Variants in SEMA6D observed in about 807,000 individuals in gnomAD.
The protein encoded by SEMA6D is semaphorin 6D, also known as semaphorin-6D.
SEMA6D carries 35 observed loss-of-function variants against 106.6 expected under a neutral mutation model. The ratio of observed to expected loss-of-function variants is 0.33; its 90% CI spans 0.25 to 0.44. SEMA6D has a LOEUF of 0.44. Among genes scored for constraint, SEMA6D ranks in the 20% least tolerant of loss-of-function variants. SEMA6D has a pLI of 1.00. For missense variants in SEMA6D, 1,185 were observed against 1,345.9 expected (o/e 0.88, Z 1.87); for synonymous variants, 499 against 487.7 (o/e 1.02, Z -0.31).
At chr15:47,257,780 A>C (rs2033884685) in intron 1 of SEMA6D, among the ~76,000 whole-genome samples, 1 of 151,922 alleles carries the variant, frequency 6.6e-6, no homozygotes, top group Non-Finnish European at 1.5e-5. Flanking sequence ...ATTGTTCTAT[A>C]TATGTCAACT....
rs944971042 is a variant in SEMA6D, at chr15:47,767,271, T to C, written c.1765+178T>C. The C allele has an allele frequency of 6.0e-6, 3 of 498,842 alleles. No individual in the cohort carries two copies. In the Admixed American group the frequency reaches 1.2e-4, roughly 20 times the overall value. The allele number at this position is 498,842 out of a possible 1,614,324, so 30.9% of individuals were successfully genotyped here. On this transcript the variant is annotated intron_variant, in intron 17 of 18. Coordinates refer to ENST00000536845, the MANE Select transcript of SEMA6D (RefSeq NM_001358351.3). ...TTACTGAGCACTTCACCCTTGTTTA[T>C]AGCATGTTAACACTTCATCATTGAC... is the stretch of plus-strand genomic sequence containing the variant.
intron 2 of SEMA6D, among the ~76,000 whole-genome samples, chr15:47,413,127 T>C (rs1158453593): frequency 6.6e-6 from 1 of 152,190 alleles, no homozygotes; most frequent in South Asian, 2.1e-4. Flanking sequence ...TGTGTGTATG[T>C]GTATTTACAT....
At chr15:47,394,397 G>A (rs911099572) in intron 1 of SEMA6D, among the ~76,000 whole-genome samples, 15 of 152,286 alleles carry the variant, frequency 9.8e-5, no homozygotes, top group African/African-American at 3.4e-4. Context: ...TTAATACTTA[G>A]TACAACTTTG....
chr15:47,245,988 A>G (rs2033173210), intron 1 of SEMA6D, among the ~76,000 whole-genome samples: 1 of 152,134 alleles, frequency 6.6e-6, no homozygotes, highest in South Asian at 2.1e-4. Flanking sequence ...AGCTTCTTTC[A>G]GGGGTCAGAT....
intron 3 of SEMA6D, among the ~76,000 whole-genome samples, chr15:47,562,861 A>G (rs1303882179): frequency 1.3e-5 from 2 of 152,176 alleles, no homozygotes; most frequent in Non-Finnish European, 2.9e-5. Flanking sequence ...TAAAACATAT[A>G]TCCAAACAAC....
intron 3 of SEMA6D, among the ~76,000 whole-genome samples, chr15:47,581,942 CT>C (rs745391086): frequency 4.1e-4 from 62 of 152,148 alleles, no homozygotes; most frequent in Non-Finnish European, 7.6e-4. Flanking sequence ...TAGATGAATC[CT>C]TCATTTGAAC....
At chr15:47,332,339 A>G (rs920983999) in intron 1 of SEMA6D, among the ~76,000 whole-genome samples, 4 of 152,296 alleles carry the variant, frequency 2.6e-5, no homozygotes, top group Admixed American at 2.6e-4. Context: ...AGCCTTGCAC[A>G]TGTCGGCCAA....
chr15:47,455,784 T>G (rs534840927), intron 2 of SEMA6D, among the ~76,000 whole-genome samples: 1 of 152,072 alleles, frequency 6.6e-6, no homozygotes, highest in African/African-American at 2.4e-5. Flanking sequence ...GTGAATTTAA[T>G]GAAGATTAAG....
intron 1 of SEMA6D, among the ~76,000 whole-genome samples, chr15:47,387,927 G>C (rs1039888882): frequency 6.6e-6 from 1 of 152,162 alleles, no homozygotes; most frequent in Non-Finnish European, 1.5e-5. Context: ...AAAGTACTAA[G>C]AATAGTGCCT....
chr15:47,295,013 AGCCCTAGGCTT>A (rs1476286335), intron 1 of SEMA6D, among the ~76,000 whole-genome samples: 2 of 152,212 alleles, frequency 1.3e-5, no homozygotes, highest in Non-Finnish European at 2.9e-5. Context: ...GCCTTAGCTT[AGCCCTAGGCTT>A]TAACAGAGTA....
intron 3 of SEMA6D, among the ~76,000 whole-genome samples, chr15:47,536,446 C>T (rs1251070334): frequency 6.6e-6 from 1 of 152,186 alleles, no homozygotes; most frequent in African/African-American, 2.4e-5. Context: ...GGAGGAGCCC[C>T]TTGGCTCTCT....
chr15:47,437,956 G>A (rs1274792497), intron 2 of SEMA6D, among the ~76,000 whole-genome samples: 1 of 152,088 alleles, frequency 6.6e-6, no homozygotes, highest in Non-Finnish European at 1.5e-5. Context: ...GATGTGTGTG[G>A]TGGAGGGAGT....
intron 4 of SEMA6D, among the ~76,000 whole-genome samples, chr15:47,707,777 T>C (rs1369811505): frequency 6.6e-6 from 1 of 152,202 alleles, no homozygotes. Context: ...TGTGTAATAA[T>C]TTCCAATTTT....
intron 4 of SEMA6D, among the ~76,000 whole-genome samples, chr15:47,668,899 C>T (rs1043597533): frequency 6.6e-6 from 1 of 152,182 alleles, no homozygotes; most frequent in Non-Finnish European, 1.5e-5. Context: ...AAATAAATTA[C>T]CGCAGTGCAA....
At chr15:47,478,094 C>G (rs2043049383) in intron 3 of SEMA6D, among the ~76,000 whole-genome samples, 1 of 152,110 alleles carries the variant, frequency 6.6e-6, no homozygotes, top group Non-Finnish European at 1.5e-5. Flanking sequence ...TTAACTTTTG[C>G]TGTCTTATAA....
rs933756341 is a variant in SEMA6D, at chr15:47,764,836, T to G, written c.1253+43T>G. On this transcript the variant is annotated intron_variant, in intron 12 of 18. Coordinates refer to ENST00000536845, the MANE Select transcript of SEMA6D (RefSeq NM_001358351.3). ...ACACTCCTTCCTATTCAACGTTTTCTCTGCCCGTTGGCCTCCCCTTCTGAT... is the reference window on the plus strand; with the variant it reads ...ACACTCCTTCCTATTCAACGTTTTCGCTGCCCGTTGGCCTCCCCTTCTGAT... The G allele has an allele frequency of 3.1e-6, 5 of 1,613,496 alleles. No individual in the cohort carries two copies. In the South Asian group the frequency reaches 5.5e-5, roughly 18 times the overall value.
intron 4 of SEMA6D, among the ~76,000 whole-genome samples, chr15:47,635,352 G>C (rs1225774420): frequency 1.3e-5 from 2 of 152,124 alleles, no homozygotes; most frequent in Admixed American, 1.3e-4. Context: ...GAAGAATGTT[G>C]TCTCTTAGGG....
At chr15:47,335,936 C>T (rs2037536959) in intron 1 of SEMA6D, among the ~76,000 whole-genome samples, 1 of 152,122 alleles carries the variant, frequency 6.6e-6, no homozygotes, top group South Asian at 2.1e-4. Context: ...GGGCCTTGAA[C>T]CAGTTTGCCA....
At chr15:47,349,212 A>G (rs963461941) in intron 1 of SEMA6D, among the ~76,000 whole-genome samples, 3 of 152,034 alleles carry the variant, frequency 2.0e-5, no homozygotes, top group African/African-American at 7.2e-5. Flanking sequence ...GTTCATTAGG[A>G]GCAATACAGC....
Sources: gnomAD v4.1 joint callset for allele counts (sites outside exome capture counted in the v4.1 genomes callset) on GRCh38, gnomAD v4.1.1 for gene constraint, MANE v1.5 for transcripts, NCBI Gene and HGNC (gene_info 2026-07-23, HGNC 2026-07-21) for gene names.